CCDC88C: variants seen among roughly 807,000 people sequenced by gnomAD.
The protein encoded by CCDC88C is protein Daple.
Under a neutral mutation model 198.8 loss-of-function variants are expected in CCDC88C, and 131 were observed. That is an observed-to-expected ratio of 0.66 (90% confidence interval 0.57 to 0.76). The LOEUF (loss-of-function observed/expected upper bound fraction) is 0.76, where lower values mean the gene tolerates loss of function less well. CCDC88C is among the 30% of genes least tolerant of loss of function. CCDC88C has a pLI of 0.00. For synonymous variants in CCDC88C, 1,166 were observed against 1,114.7 expected (o/e 1.05, Z -0.92); for missense variants, 2,553 against 2,631.6 (o/e 0.97, Z 0.65).
At chr14:91,331,526 G>GT (rs1491499041) in intron 10 of CCDC88C, among the ~76,000 whole-genome samples, 1 of 150,606 alleles carries the variant, frequency 6.6e-6, no homozygotes, top group Non-Finnish European at 1.5e-5. Context: ...ATGTGCACAC[G>GT]TGTGTGTGCG....
Position 91,273,201 on chromosome 14 carries a change from G to A in CCDC88C, c.5511C>T (p.Gly1837=), listed in dbSNP as rs1889815173. 6.4e-7 allele frequency: 1 copy of A among 1,571,222 alleles called. No homozygotes were observed. The highest frequency in any genetic ancestry group is 1.9e-5 in the Admixed American group (1 of 53,862). Residue 1837 remains glycine, a synonymous_variant, in exon 30 of 30, where the codon GGC becomes GGT. Transcript: ENST00000389857. This position sits in a 1 kb window ranked among gnomAD's most constrained non-coding sequence, Gnocchi z 5.6. ...QKLGAPEALG[G]RETGSHTLQS... ...GCAGGGTGTGGCTGCCTGTCTCTCT[G>A]CCCCCTAAGGCCTCAGGAGCCCCCA...
intron 17 of CCDC88C, among the ~76,000 whole-genome samples, chr14:91,307,843 G>A (rs1157801832): frequency 1.3e-5 from 2 of 152,220 alleles, no homozygotes; most frequent in South Asian, 2.1e-4. Flanking sequence ...GAGCATGCAT[G>A]TACATGTGTA....
In CCDC88C at chr14:91,379,913, A is replaced by G. The variant is rs531063742; in HGVS notation, c.271-20202T>C. 2.1e-5 allele frequency: 15 copies of G among 703,032 alleles called. No homozygotes were observed. In the East Asian group the frequency reaches 3.8e-4, roughly 18 times the overall value. 43.5% of individuals were successfully genotyped at this position (703,032 alleles called of 1,614,324 possible). Reference sequence around the variant, plus strand: ...GAAAACAGGATGAGAAGATTTTACTAAAGGAAAAGGCGTTTGGGGGCTGAA... The same window carrying G: ...GAAAACAGGATGAGAAGATTTTACTGAAGGAAAAGGCGTTTGGGGGCTGAA... On this transcript the variant is annotated intron_variant, in intron 3 of 29. Transcript: ENST00000389857.
intron 24 of CCDC88C, among the ~76,000 whole-genome samples, chr14:91,290,412 G>T (rs1596027396): frequency 6.6e-6 from 1 of 152,262 alleles, no homozygotes; most frequent in East Asian, 1.9e-4. Context: ...GCTGGGCCAG[G>T]ACAATCCGAA....
chr14:91,401,346 A>ATT (rs141579899), intron 3 of CCDC88C, among the ~76,000 whole-genome samples: 1,392 of 127,020 alleles, frequency 0.011, 16 homozygotes, highest in Non-Finnish European at 0.014. Context: ...ATATATATAT[A>ATT]TTTTTTGAGA....
At chr14:91,274,143 C>T (rs892577793) in intron 29 of CCDC88C, among the ~76,000 whole-genome samples, 2 of 151,120 alleles carry the variant, frequency 1.3e-5, no homozygotes, top group African/African-American at 4.9e-5. Context: ...AACGCCGGAA[C>T]CTTCACTGCC....
chr14:91,391,280 C>T (rs1885490558), intron 3 of CCDC88C, among the ~76,000 whole-genome samples: 1 of 151,924 alleles, frequency 6.6e-6, no homozygotes, highest in Non-Finnish European at 1.5e-5. Context: ...CCACTGGGTG[C>T]CCGTTTTTAA....
rs1386379029 is a variant in CCDC88C, at chr14:91,279,304, A to G, written c.4702T>C (p.Ser1568Pro). The change falls in exon 28 of 30, where the codon TCG (serine) becomes CCG (proline). Residue 1568 changes from serine (S) to proline (P), a missense_variant and splice_region_variant. This residue lies in a region of CCDC88C where 1,293 missense variants were observed against 1,219.6 expected (regional missense o/e 1.06). Coordinates refer to ENST00000389857, the MANE Select transcript of CCDC88C (RefSeq NM_001080414.4). ...FEVPNHRQYVSRPSSLESSRN... is the reference protein window; with the variant it reads ...FEVPNHRQYVPRPSSLESSRN... ...CTGCTCTCTAAGCTACTTGGCCGCG[A>G]CACTGAAAGGAAATGGCAGTGTTAA... 6.3e-7 allele frequency: 1 copy of G among 1,598,518 alleles called. No homozygotes were observed. The highest frequency in any genetic ancestry group is 1.7e-5 in the Admixed American group (1 of 58,006).
At chr14:91,413,430 T>C (rs1356202651) in intron 2 of CCDC88C, among the ~76,000 whole-genome samples, 1 of 152,230 alleles carries the variant, frequency 6.6e-6, no homozygotes, top group African/African-American at 2.4e-5. Flanking sequence ...TTTGAACTTG[T>C]CTGCCTGATG....
chr14:91,316,936 C>T (rs1892127770), intron 13 of CCDC88C, among the ~76,000 whole-genome samples: 1 of 152,188 alleles, frequency 6.6e-6, no homozygotes, highest in Admixed American at 6.5e-5. Context: ...TCCCTGCAGC[C>T]ACTGGCATGG....
Position 91,416,725 on chromosome 14 carries a change from G to A in CCDC88C, c.161+13C>T, listed in dbSNP as rs1887076430. 1.3e-6 allele frequency: 2 copies of A among 1,566,226 alleles called. No homozygotes were observed. The highest frequency in any genetic ancestry group is 8.8e-7 in the Non-Finnish European group (1 of 1,137,190). ...CACCATTCTTTCCTTCCTCCGAGAAGAAGGTAACTTACATTTGCAGCATAA... is the reference window on the plus strand; with the variant it reads ...CACCATTCTTTCCTTCCTCCGAGAAAAAGGTAACTTACATTTGCAGCATAA... On this transcript the variant is annotated intron_variant, in intron 2 of 29. Transcript: ENST00000389857.
chr14:91,319,701 C>T (rs1567073748), intron 13 of CCDC88C, among the ~76,000 whole-genome samples: 1 of 152,174 alleles, frequency 6.6e-6, no homozygotes, highest in Non-Finnish European at 1.5e-5. Flanking sequence ...CACACTACCA[C>T]CTCTAATCCC....
chr14:91,272,939 G>A lies in CCDC88C; in HGVS notation c.5773C>T (p.Gln1925Ter). ...GCAGCAGGTGAGAAGTGCAGGAGCT[G>A]GGAGTTGCTGCCACTGCCAGCAGCA... is the stretch of plus-strand genomic sequence containing the variant. ...AAAAGSGSNS[Q>*]LLHFSPAAAP... The change falls in exon 30 of 30, where the codon CAG becomes TAG. Residue 1925 changes from glutamine (Q) to a stop codon, truncating the protein, a stop_gained. Coordinates refer to ENST00000389857, the MANE Select transcript of CCDC88C (RefSeq NM_001080414.4). LOFTEE classifies it low-confidence loss of function (END_TRUNC). 6.4e-7 allele frequency: 1 copy of A among 1,564,468 alleles called. No homozygotes were observed. The highest frequency in any genetic ancestry group is 1.3e-5 in the African/African-American group (1 of 74,154).
chr14:91,299,983 C>T lies in CCDC88C; in HGVS notation c.3723G>A (p.Gln1241=). ...CGCCCATGGCGAGGGCGTTTGTCCT[C>T]TGCTCCTGCTGCAGCGCCTCTCGCT... ...TTEREALQQE[Q]RTNALAMGEN... Residue 1241 remains glutamine, a synonymous_variant, in exon 21 of 30, where the codon CAG becomes CAA. Coordinates refer to ENST00000389857, the MANE Select transcript of CCDC88C (RefSeq NM_001080414.4). The T allele has an allele frequency of 3.8e-6, 6 of 1,596,314 alleles. No homozygotes were observed. The highest frequency in any genetic ancestry group is 5.1e-6 in the Non-Finnish European group (6 of 1,172,196).
At position 91,297,433 on chromosome 14, in the gene CCDC88C, T is replaced by TG; in HGVS notation, c.3837dup (p.Lys1280GlnfsTer43). 1.9e-6 allele frequency: 3 copies of TG among 1,601,796 alleles called. No homozygotes were observed. Among genetic ancestry groups the TG allele is most frequent in the Non-Finnish European group, 1.7e-6 (2 of 1,174,090 alleles). ...TTGTTCAGTGAGGTTTTCAGCTCCT[T>TG]GGTGTGGGCGTGCAGCTCCTCGTAC... On this transcript the variant is annotated frameshift_variant, in exon 22 of 30. Coordinates refer to ENST00000389857, the MANE Select transcript of CCDC88C (RefSeq NM_001080414.4). LOFTEE classifies it high-confidence loss of function.
rs1197357413 is a variant in CCDC88C, at chr14:91,275,881, G to A, written c.5058+2041C>T. On this transcript the variant is annotated intron_variant, in intron 29 of 29. Coordinates refer to ENST00000389857, the MANE Select transcript of CCDC88C (RefSeq NM_001080414.4). ...CTGTCGCCCAGGCTGGAGTGCAGTGGCGCGATCTCGACTCACTGCAAGCTC... is the reference window on the plus strand; with the variant it reads ...CTGTCGCCCAGGCTGGAGTGCAGTGACGCGATCTCGACTCACTGCAAGCTC... Among the ~76,000 whole-genome samples, 108 of 136,922 alleles carry A rather than the reference G, an allele frequency of 7.9e-4. 1 individual carries two copies. The highest frequency in any genetic ancestry group is 8.9e-4 in the Non-Finnish European group (58 of 65,480). The allele number at this position is 136,922 out of a possible 152,430, so 89.8% of individuals were successfully genotyped here. A position where few individuals can be genotyped will look rare whatever the true frequency, so the allele number is the denominator to read the frequency against.
intron 3 of CCDC88C, among the ~76,000 whole-genome samples, chr14:91,396,345 C>T (rs1003086250): frequency 6.6e-6 from 1 of 152,202 alleles, no homozygotes; most frequent in African/African-American, 2.4e-5. Flanking sequence ...TTTTTAACGA[C>T]TTGAGAAATC....
chr14:91,309,430 C>T (rs983433204), intron 16 of CCDC88C, among the ~76,000 whole-genome samples: 5 of 151,926 alleles, frequency 3.3e-5, no homozygotes, highest in East Asian at 1.9e-4. Flanking sequence ...ATGGCGAAAC[C>T]CCCTCTATAC....
At chr14:91,401,267 TA>T (rs1192116328) in intron 3 of CCDC88C, among the ~76,000 whole-genome samples, 2 of 144,902 alleles carry the variant, frequency 1.4e-5, no homozygotes, top group African/African-American at 5.0e-5. Flanking sequence ...ATATATACAT[TA>T]TATATATTAT....
Sources: gnomAD v4.1 joint callset for allele counts (sites outside exome capture counted in the v4.1 genomes callset) on GRCh38, gnomAD v4.1.1 for gene constraint, gnomAD v4.1.1 regional missense constraint, Gnocchi (gnomAD v3.1) non-coding constraint, MANE v1.5 for transcripts, NCBI Gene and HGNC (gene_info 2026-07-23, HGNC 2026-07-21) for gene names.